Variants in MAP3K20 observed in about 807,000 individuals in gnomAD.
The protein encoded by MAP3K20 is mitogen-activated protein kinase kinase kinase 20.
A neutral mutation model predicts 85.7 loss-of-function variants in MAP3K20; 40 were observed. The observed-to-expected ratio is 0.47, with a 90% CI of 0.36 to 0.61. The LOEUF (loss-of-function observed/expected upper bound fraction) is 0.61, where lower values mean the gene tolerates loss of function less well. Ranked by LOEUF, MAP3K20 falls within the 20% of genes least tolerant of loss-of-function variation. The pLI is 0.00. For missense variants in MAP3K20, 817 were observed against 961.7 expected (o/e 0.85, Z 1.99); for synonymous variants, 325 against 327.7 (o/e 0.99, Z 0.09).
chr2:173,180,967 G>GA (rs1288759023), intron 3 of MAP3K20, among the ~76,000 whole-genome samples: 1 of 151,740 alleles, frequency 6.6e-6, no homozygotes, highest in Admixed American at 6.6e-5. Flanking sequence ...GACAAACTGG[G>GA]AAAAAATATT....
chr2:173,109,857 A>G (rs1417129393), intron 2 of MAP3K20, among the ~76,000 whole-genome samples: 1 of 152,176 alleles, frequency 6.6e-6, no homozygotes, highest in African/African-American at 2.4e-5. Context: ...CAATCATAAA[A>G]TGCTAATATG....
intron 2 of MAP3K20, among the ~76,000 whole-genome samples, chr2:173,128,607 C>T (rs1471910326): frequency 4.6e-5 from 7 of 152,124 alleles, no homozygotes; most frequent in African/African-American, 1.4e-4. Flanking sequence ...GCTGGGATTA[C>T]AGGTTTGAGC....
chr2:173,132,340 A>G (rs1019985257), intron 2 of MAP3K20, among the ~76,000 whole-genome samples: 3 of 152,132 alleles, frequency 2.0e-5, no homozygotes, highest in Admixed American at 2.0e-4. Context: ...GTCACCCTCA[A>G]CAAAGCTTTC....
In MAP3K20 at chr2:173,146,803, ACAT is replaced by A. The variant is rs112566746; in HGVS notation, c.160-23001_160-22999del. Reference sequence around the variant, plus strand: ...CAGAGGGTTTTCCACAGCAGCTGTTACATTTTACACTCCTCCCAGAAGGGTATG... The same window carrying A: ...CAGAGGGTTTTCCACAGCAGCTGTTATTTACACTCCTCCCAGAAGGGTATG... On this transcript the variant is annotated intron_variant, in intron 2 of 19. Transcript: ENST00000375213. Among the ~76,000 whole-genome samples the A allele has an allele frequency of 6.7e-3, 1,020 of 152,326 alleles. 7 individuals are homozygous for A. The highest frequency in any genetic ancestry group is 8.2e-3 in the Non-Finnish European group (555 of 68,008).
chr2:173,223,202 C>G (rs892598936), intron 11 of MAP3K20: 3 of 985,244 alleles, frequency 3.0e-6, no homozygotes, highest in Admixed American at 6.1e-5. Context: ...GTGAGGTGTA[C>G]AGCAGTCTAG....
At chr2:173,219,974 A>G (rs908335696) in intron 11 of MAP3K20, among the ~76,000 whole-genome samples, 4 of 150,674 alleles carry the variant, frequency 2.7e-5, no homozygotes, top group African/African-American at 9.8e-5. Context: ...AGGCTGAGGC[A>G]GGAGAATCGC....
At chr2:173,094,492 T>G (rs1208319769) in intron 2 of MAP3K20, among the ~76,000 whole-genome samples, 1 of 152,202 alleles carries the variant, frequency 6.6e-6, no homozygotes, top group Non-Finnish European at 1.5e-5. Context: ...TGATGGCAAT[T>G]TTTCCAACCC....
chr2:173,238,313 A>AT, intron 14 of MAP3K20, 60 bp from the exon 15 acceptor site: 2 of 1,446,648 alleles, frequency 1.4e-6, no homozygotes, highest in East Asian at 2.3e-5. Context: ...GTACCCAATG[A>AT]TTTTAGTCTT....
chr2:173,170,379 T>C (rs1440782158), intron 3 of MAP3K20, among the ~76,000 whole-genome samples: 3 of 152,194 alleles, frequency 2.0e-5, no homozygotes, highest in Non-Finnish European at 4.4e-5. Context: ...ATCTAAATTA[T>C]CACATAATTT....
At chr2:173,086,679 G>A (rs1319775722) in intron 1 of MAP3K20, among the ~76,000 whole-genome samples, 21 of 152,220 alleles carry the variant, frequency 1.4e-4, no homozygotes, top group Admixed American at 1.4e-3. Flanking sequence ...CTGGAGAAGT[G>A]TGCTTCTCAA....
intron 2 of MAP3K20, among the ~76,000 whole-genome samples, chr2:173,094,702 T>C (rs898075450): frequency 1.3e-5 from 2 of 152,216 alleles, no homozygotes; most frequent in African/African-American, 4.8e-5. Context: ...TCAGAGTTTA[T>C]GTAGTTTTGG....
At chr2:173,111,159 G>A (rs1235770162) in intron 2 of MAP3K20, among the ~76,000 whole-genome samples, 1 of 152,136 alleles carries the variant, frequency 6.6e-6, no homozygotes, top group African/African-American at 2.4e-5. Context: ...CTGTGGTTTT[G>A]ATTTGCATTT....
chr2:173,207,653 C>T (rs1254306824), intron 9 of MAP3K20: 1 of 151,960 alleles, frequency 6.6e-6, no homozygotes, highest in Non-Finnish European at 1.5e-5. Flanking sequence ...GACTTGTGGT[C>T]CTTACCTATA....
At chr2:173,129,759 A>C (rs1559243859) in intron 2 of MAP3K20, among the ~76,000 whole-genome samples, 1 of 152,228 alleles carries the variant, frequency 6.6e-6, no homozygotes, top group Non-Finnish European at 1.5e-5. Flanking sequence ...TGACCTATTA[A>C]AATCAAGTTG....
At chr2:173,131,316 C>T (rs1421355546) in intron 2 of MAP3K20, among the ~76,000 whole-genome samples, 3 of 152,136 alleles carry the variant, frequency 2.0e-5, no homozygotes, top group Admixed American at 1.3e-4. Flanking sequence ...ATTAGGTGCT[C>T]CATTAAACAA....
intron 3 of MAP3K20, among the ~76,000 whole-genome samples, chr2:173,182,175 A>C (rs1161300766): frequency 6.6e-6 from 1 of 152,214 alleles, no homozygotes; most frequent in Non-Finnish European, 1.5e-5. Context: ...TATCCAGAAA[A>C]GGCACACTGG....
intron 16 of MAP3K20, among the ~76,000 whole-genome samples, chr2:173,249,442 G>A (rs939044317): frequency 1.3e-5 from 2 of 152,172 alleles, no homozygotes; most frequent in Admixed American, 6.5e-5. Context: ...GATTTGAATC[G>A]ATAATAGCTC....
chr2:173,093,053 G>A (rs1430536131), intron 2 of MAP3K20, among the ~76,000 whole-genome samples: 3 of 152,154 alleles, frequency 2.0e-5, no homozygotes, highest in Non-Finnish European at 4.4e-5. Flanking sequence ...GAGTGATAAA[G>A]AGACACAGTA....
rs1454434717 is a variant in MAP3K20 at position 173,266,782 on chromosome 2, T to TA, written c.*32_*33insA. On this transcript the variant is annotated 3_prime_UTR_variant, in exon 20 of 20. Transcript: ENST00000375213. ...GAACTACATAGCTTTTCTAAGCAGG[T>TA]TAAAAAAAAAAAAAAAAAGAAATGT... 1.1e-6 allele frequency: 1 copy of TA among 871,160 alleles called. No homozygotes were observed. Among genetic ancestry groups the TA allele is most frequent in the Non-Finnish European group, 1.5e-6 (1 of 645,788 alleles). 54.0% of individuals were successfully genotyped at this position (871,160 alleles called of 1,614,324 possible). A position where few individuals can be genotyped will look rare whatever the true frequency, so the allele number is the denominator to read the frequency against.
Sources: allele counts gnomAD v4.1 joint callset (sites outside exome capture counted in the v4.1 genomes callset), GRCh38; gene constraint gnomAD v4.1.1; transcripts MANE v1.5; gene names NCBI Gene and HGNC (gene_info 2026-07-23, HGNC 2026-07-21).